The following UGGT2 variants were observed in gnomAD, a reference collection of about 807,000 sequenced individuals.
The protein encoded by UGGT2 is UDP-glucose:glycoprotein glucosyltransferase 2.
In UGGT2, 180 loss-of-function variants were observed where a neutral mutation model predicts 192.1. The ratio of observed to expected loss-of-function variants is 0.94; its 90% CI spans 0.83 to 1.06. The LOEUF is 1.06. UGGT2 is among the 50% of genes least tolerant of loss of function. UGGT2 has a pLI of 0.00. For missense variants in UGGT2, 1,849 were observed against 1,795.7 expected, an observed-to-expected ratio of 1.03 and a Z score of -0.54; for synonymous variants, 580 against 591.0, an observed-to-expected ratio of 0.98 and a Z score of 0.27.
chr13:96,050,314 T>C (rs911076188), intron 1 of UGGT2, among the ~76,000 whole-genome samples: 4 of 152,160 alleles, frequency 2.6e-5, no homozygotes, highest in Non-Finnish European at 5.9e-5. Flanking sequence ...CCTTACACCT[T>C]ATACAAAAAT....
chr13:96,027,355 T>C (rs1366792104), intron 2 of UGGT2, among the ~76,000 whole-genome samples: 1 of 152,200 alleles, frequency 6.6e-6, no homozygotes. Context: ...AGTAAACTTT[T>C]ATAATTTAGA....
intron 22 of UGGT2, among the ~76,000 whole-genome samples, chr13:95,899,045 C>T (rs2048028224): frequency 6.6e-6 from 1 of 152,116 alleles, no homozygotes; most frequent in Non-Finnish European, 1.5e-5. Context: ...GGGCTCTGCC[C>T]TCATGAATGG....
intron 36 of UGGT2, among the ~76,000 whole-genome samples, chr13:95,852,741 T>C (rs1889176663): frequency 6.6e-6 from 1 of 152,142 alleles, no homozygotes. Flanking sequence ...TCAGATGCAA[T>C]AATGAGGAAA....
intron 12 of UGGT2, among the ~76,000 whole-genome samples, chr13:95,952,670 T>G (rs2050103300): frequency 6.6e-6 from 1 of 152,190 alleles, no homozygotes; most frequent in South Asian, 2.1e-4. Context: ...GAAACCTATT[T>G]ACCAAGTCAC....
chr13:96,046,699 C>T (rs554279428), intron 1 of UGGT2, among the ~76,000 whole-genome samples: 23 of 152,288 alleles, frequency 1.5e-4, no homozygotes, highest in African/African-American at 4.1e-4. Flanking sequence ...TGCAAGAGGT[C>T]GGGGAATTCC....
At chr13:95,965,610 G>A (rs1194555412) in intron 12 of UGGT2, among the ~76,000 whole-genome samples, 2 of 135,734 alleles carry the variant, frequency 1.5e-5, no homozygotes, top group South Asian at 2.8e-4. Context: ...GGGGAGGGGG[G>A]AGGAATAGCA....
chr13:95,979,110 G>A (rs545686871), intron 10 of UGGT2, among the ~76,000 whole-genome samples: 3 of 152,124 alleles, frequency 2.0e-5, no homozygotes, highest in East Asian at 3.9e-4. Flanking sequence ...TTATTTTGAA[G>A]CAAATAAAAA....
At chr13:95,923,920 C>G (rs921553426) in intron 20 of UGGT2, among the ~76,000 whole-genome samples, 1 of 151,980 alleles carries the variant, frequency 6.6e-6, no homozygotes, top group Admixed American at 6.6e-5. Context: ...TTCCGATTTT[C>G]TATAAGGAAC....
rs148910338 is a variant in UGGT2, at chr13:96,001,852, G to A, written c.661-2545C>T. Among the ~76,000 whole-genome samples the A allele has an allele frequency of 2.6e-5, 4 of 152,166 alleles. No homozygotes were observed. The East Asian group carries it at 7.7e-4, about 29-fold the overall frequency. ...TCAGCCTACTCAACATGACTATGAG[G>A]ATAAAAACCTTTATGATGATCCACT... On this transcript the variant is annotated intron_variant, in intron 5 of 38. Transcript: ENST00000376747.
chr13:95,936,866 T>C, intron 17 of UGGT2, 58 bp downstream of exon 17: 2 of 1,372,696 alleles, frequency 1.5e-6, no homozygotes, highest in Non-Finnish European at 1.9e-6. Context: ...AATAAGTTTT[T>C]AATAAAAACA....
intron 38 of UGGT2, among the ~76,000 whole-genome samples, chr13:95,808,907 AAAC>A (rs1335605404): frequency 6.6e-6 from 1 of 152,220 alleles, no homozygotes; most frequent in Non-Finnish European, 1.5e-5. Flanking sequence ...TTCTACTAAA[AAAC>A]AACAAGGGAA....
intron 37 of UGGT2, among the ~76,000 whole-genome samples, chr13:95,836,037 A>G (rs1184367896): frequency 1.3e-5 from 2 of 151,868 alleles, no homozygotes; most frequent in Admixed American, 6.6e-5. Context: ...GCTAGCTCTC[A>G]GCCCTTTTTT....
At chr13:95,846,090 T>C (rs546225246) in intron 36 of UGGT2, among the ~76,000 whole-genome samples, 3 of 151,158 alleles carry the variant, frequency 2.0e-5, no homozygotes, top group African/African-American at 7.3e-5. Flanking sequence ...GAGGTGGAGG[T>C]TGTAGGGAGC....
At chr13:96,051,764 A>C (rs531110812) in intron 1 of UGGT2, among the ~76,000 whole-genome samples, 1 of 152,294 alleles carries the variant, frequency 6.6e-6, no homozygotes, top group South Asian at 2.1e-4. Flanking sequence ...CACAAATCAA[A>C]ACCACAATGC....
rs377573656 is a variant in UGGT2 at position 96,023,645 on chromosome 13, A to C, written c.356T>G (p.Ile119Ser). 4 of 1,607,994 alleles carry C rather than the reference A, an allele frequency of 2.5e-6. No individual in the cohort carries two copies. Among genetic ancestry groups the C allele is most frequent in the East Asian group, 2.2e-5 (1 of 44,690 alleles). ...TTTACGCACCTGCTGAAACATCTGA[A>C]TAGCTGGGGAGTATGCCCTTATAGA... The part of the protein sequence containing the change: ...AFSIRAYSPA[I>S]QMFQQIAADE... The change falls in exon 3 of 39, where the codon ATT (isoleucine) becomes AGT (serine). Residue 119 changes from isoleucine to serine, a missense_variant. Coordinates refer to ENST00000376747, the MANE Select transcript of UGGT2 (RefSeq NM_020121.4).
intron 38 of UGGT2, among the ~76,000 whole-genome samples, chr13:95,823,405 T>C (rs1213629900): frequency 1.3e-5 from 2 of 152,104 alleles, no homozygotes; most frequent in Non-Finnish European, 2.9e-5. Flanking sequence ...ATTTTATTTG[T>C]TGGGTCTAGT....
intron 5 of UGGT2, among the ~76,000 whole-genome samples, chr13:96,005,695 T>C (rs1295625486): frequency 6.6e-6 from 1 of 152,190 alleles, no homozygotes; most frequent in Admixed American, 6.5e-5. Flanking sequence ...ATTTACAGTA[T>C]GCCTAGAAAG....
At chr13:96,031,795 T>G in intron 2 of UGGT2, 94 bp downstream of exon 2, 3 of 900,602 alleles carry the variant, frequency 3.3e-6, no homozygotes, top group Non-Finnish European at 5.0e-6. Context: ...CAGTGAAGCA[T>G]TCACACTTAA....
At chr13:95,816,526 T>C (rs1014261246) in intron 38 of UGGT2, among the ~76,000 whole-genome samples, 1 of 152,228 alleles carries the variant, frequency 6.6e-6, no homozygotes, top group African/African-American at 2.4e-5. Context: ...AAGCATAGAA[T>C]AGTATATCTA....
Sources: allele counts gnomAD v4.1 joint callset (sites outside exome capture counted in the v4.1 genomes callset), GRCh38; gene constraint gnomAD v4.1.1; transcripts MANE v1.5; gene names NCBI Gene and HGNC (gene_info 2026-07-23, HGNC 2026-07-21).